Variants in F13A1 observed in about 807,000 individuals in gnomAD.
The protein encoded by F13A1 is coagulation factor XIII A chain.
F13A1 carries 47 observed loss-of-function variants against 80.1 expected under a neutral mutation model. The ratio of observed to expected loss-of-function variants is 0.59; its 90% CI spans 0.46 to 0.75. The LOEUF (loss-of-function observed/expected upper bound fraction) is 0.75. Ranked by LOEUF, F13A1 falls within the 30% of genes least tolerant of loss-of-function variation. The probability of loss-of-function intolerance (pLI) is 0.00; values close to 1 mark genes in which losing one functional copy is unlikely to be tolerated. For synonymous variants in F13A1, 349 were observed against 344.9 expected (o/e 1.01, Z -0.13); for missense variants, 817 against 930.4 (o/e 0.88, Z 1.59).
intron 6 of F13A1, among the ~76,000 whole-genome samples, chr6:6,232,699 A>G (rs1450432416): frequency 6.6e-6 from 1 of 152,102 alleles, no homozygotes; most frequent in Admixed American, 6.5e-5. Flanking sequence ...ACCATATGAT[A>G]AGCCATAAAA....
intron 8 of F13A1, among the ~76,000 whole-genome samples, chr6:6,212,426 C>A (rs1048711029): frequency 6.6e-6 from 1 of 152,212 alleles, no homozygotes; most frequent in African/African-American, 2.4e-5. Flanking sequence ...CACACTGACA[C>A]CTCACACGGC....
intron 4 of F13A1, 75 bp downstream of exon 4, chr6:6,266,483 A>T (rs1171256551): frequency 6.2e-7 from 1 of 1,610,034 alleles, no homozygotes; most frequent in Non-Finnish European, 8.5e-7. Flanking sequence ...AAGAGCTGGG[A>T]GTATAGGCAT....
At chr6:6,263,947 A>G (rs1757810687) in intron 4 of F13A1, among the ~76,000 whole-genome samples, 1 of 152,060 alleles carries the variant, frequency 6.6e-6, no homozygotes, top group Non-Finnish European at 1.5e-5. Context: ...ACAGCTTCCA[A>G]ATTGGTCTCT....
chr6:6,163,849 C>G (rs993907030), intron 13 of F13A1, among the ~76,000 whole-genome samples: 5 of 152,144 alleles, frequency 3.3e-5, no homozygotes, highest in African/African-American at 1.2e-4. Flanking sequence ...ATTGCTGGGT[C>G]AAATGGTAGT....
At chr6:6,188,153 GTTGATTCTTTCAAA>G (rs1023175378) in intron 10 of F13A1, among the ~76,000 whole-genome samples, 1 of 152,000 alleles carries the variant, frequency 6.6e-6, no homozygotes, top group African/African-American at 2.4e-5. Flanking sequence ...TATCAGTTTT[GTTGATTCTTTCAAA>G]AAACCAGCTC....
chr6:6,188,110 C>T (rs1255433558), intron 10 of F13A1, among the ~76,000 whole-genome samples: 3 of 152,048 alleles, frequency 2.0e-5, no homozygotes, highest in East Asian at 1.9e-4. Flanking sequence ...TGATTCTTCT[C>T]TCTTTTTTTC....
chr6:6,289,201 A>G (rs1212093365), intron 3 of F13A1, among the ~76,000 whole-genome samples: 1 of 152,108 alleles, frequency 6.6e-6, no homozygotes, highest in Non-Finnish European at 1.5e-5. Context: ...GGGTAAAGTG[A>G]TTCTGTCACT....
intron 10 of F13A1, among the ~76,000 whole-genome samples, chr6:6,185,081 T>C (rs374754794): frequency 6.6e-6 from 1 of 152,022 alleles, no homozygotes; most frequent in Non-Finnish European, 1.5e-5. Flanking sequence ...ATGGCAAGGA[T>C]TATTGGACTT....
At chr6:6,202,795 T>C (rs1761421502) in intron 8 of F13A1, among the ~76,000 whole-genome samples, 1 of 152,242 alleles carries the variant, frequency 6.6e-6, no homozygotes, top group Non-Finnish European at 1.5e-5. Context: ...TTCCGTGCAG[T>C]GACAGCTAGT....
chr6:6,242,047 T>C (rs1757490209), intron 6 of F13A1, among the ~76,000 whole-genome samples: 1 of 151,972 alleles, frequency 6.6e-6, no homozygotes, highest in South Asian at 2.1e-4. Flanking sequence ...TTTTCATGCA[T>C]GGAAAGAAAA....
chr6:6,293,444 G>A (rs1758252641), intron 3 of F13A1, among the ~76,000 whole-genome samples: 1 of 151,918 alleles, frequency 6.6e-6, no homozygotes, highest in Non-Finnish European at 1.5e-5. Flanking sequence ...AGGCTCAGAG[G>A]TGAGAGAGAG....
chr6:6,217,876 G>T (rs1259147195), intron 8 of F13A1, among the ~76,000 whole-genome samples: 1 of 152,142 alleles, frequency 6.6e-6, no homozygotes, highest in African/African-American at 2.4e-5. Flanking sequence ...AAAAAGGTTT[G>T]TTTATAGATT....
chr6:6,217,711 T>A (rs906729407), intron 8 of F13A1, among the ~76,000 whole-genome samples: 1 of 151,962 alleles, frequency 6.6e-6, no homozygotes, highest in Non-Finnish European at 1.5e-5. Context: ...AATAAAATAA[T>A]GTATAGAAGA....
At chr6:6,300,763 T>TC (rs955795851) in intron 3 of F13A1, among the ~76,000 whole-genome samples, 3 of 151,348 alleles carry the variant, frequency 2.0e-5, no homozygotes, top group South Asian at 2.1e-4. Flanking sequence ...TCTTGGCTCC[T>TC]CCCCCCGAGA....
At chr6:6,217,266 T>G (rs1757106695) in intron 8 of F13A1, among the ~76,000 whole-genome samples, 1 of 151,978 alleles carries the variant, frequency 6.6e-6, no homozygotes, top group Non-Finnish European at 1.5e-5. Context: ...TAGCAAAGAC[T>G]TGGAACCAAC....
At chr6:6,271,303 G>A (rs1345564577) in intron 3 of F13A1, among the ~76,000 whole-genome samples, 1 of 152,138 alleles carries the variant, frequency 6.6e-6, no homozygotes, top group African/African-American at 2.4e-5. Context: ...TTGTGACAGA[G>A]TAGTATTTCA....
chr6:6,165,597 G>A (rs779875051), intron 13 of F13A1, among the ~76,000 whole-genome samples: 11 of 152,218 alleles, frequency 7.2e-5, no homozygotes, highest in Admixed American at 4.6e-4. Flanking sequence ...TGAAACCTGC[G>A]CAATAGCCCA....
chr6:6,188,546 T>G (rs1761121165), intron 10 of F13A1, among the ~76,000 whole-genome samples: 1 of 134,142 alleles, frequency 7.5e-6, no homozygotes, highest in Non-Finnish European at 1.6e-5. Context: ...AGTGAGATTC[T>G]TAATCCTGAG....
intron 6 of F13A1, among the ~76,000 whole-genome samples, chr6:6,241,048 C>T (rs1781795): frequency 0.11 from 16,921 of 152,150 alleles, 1,077 homozygotes; most frequent in East Asian, 0.15. Flanking sequence ...ATATGCGTTA[C>T]AATTGGAAAG....
Sources: allele counts gnomAD v4.1 joint callset (sites outside exome capture counted in the v4.1 genomes callset), GRCh38; gene constraint gnomAD v4.1.1; transcripts MANE v1.5; gene names NCBI Gene and HGNC (gene_info 2026-07-23, HGNC 2026-07-21).